The following FGD6 variants were observed in gnomAD, a reference collection of about 807,000 sequenced individuals.
FGD6 encodes FYVE, RhoGEF and PH domain-containing protein 6.
FGD6 carries 90 observed loss-of-function variants against 149.4 expected under a neutral mutation model. The observed-to-expected ratio is 0.60, with a 90% CI of 0.51 to 0.72. The LOEUF (loss-of-function observed/expected upper bound fraction) is 0.72. FGD6 is among the 30% of genes least tolerant of loss of function. The pLI, the probability that FGD6 is intolerant of heterozygous loss-of-function variation, is 0.00. For missense variants in FGD6, 1,437 were observed against 1,684.8 expected, an observed-to-expected ratio of 0.85 and a Z score of 2.57; for synonymous variants, 527 against 584.0, an observed-to-expected ratio of 0.90 and a Z score of 1.41.
intron 1 of FGD6, 109 bp downstream of exon 1, chr12:95,217,116 G>C: frequency 6.5e-7 from 1 of 1,531,396 alleles, no homozygotes; most frequent in Non-Finnish European, 8.9e-7. Flanking sequence ...CTCGGCAAAG[G>C]TACGGGGCAC....
At chr12:95,120,356 G>A (rs1218951338) in intron 8 of FGD6, among the ~76,000 whole-genome samples, 1 of 146,846 alleles carries the variant, frequency 6.8e-6, no homozygotes, top group Non-Finnish European at 1.5e-5. Context: ...TATTTTTTTT[G>A]CTTCATGATT....
chr12:95,183,274 CAG>C (rs947817253), intron 2 of FGD6, among the ~76,000 whole-genome samples: 6 of 152,200 alleles, frequency 3.9e-5, no homozygotes, highest in East Asian at 1.9e-4. Flanking sequence ...TGCCAGTCAG[CAG>C]AGAGTCATTT....
rs977464613 is a variant in FGD6, at chr12:95,078,573, T to C, written c.*2947A>G. 1.3e-5 allele frequency: 2 copies of C among 152,180 alleles called. No homozygotes were observed. Among genetic ancestry groups the C allele is most frequent in the African/African-American group, 4.8e-5 (2 of 41,450 alleles). 9.4% of individuals were successfully genotyped at this position (152,180 alleles called of 1,614,324 possible). A position where few individuals can be genotyped will look rare whatever the true frequency, so the allele number is the denominator to read the frequency against. ...GGTCTGATGATCTCATTTTAAGAAATGCTACTACACACTCAAAGAATCAAG... is the reference window on the plus strand; with the variant it reads ...GGTCTGATGATCTCATTTTAAGAAACGCTACTACACACTCAAAGAATCAAG... On this transcript the variant is annotated 3_prime_UTR_variant, in exon 21 of 21. Transcript: ENST00000343958.
chr12:95,126,990 T>C (rs1056760566), intron 8 of FGD6, among the ~76,000 whole-genome samples: 5 of 152,084 alleles, frequency 3.3e-5, no homozygotes, highest in African/African-American at 9.7e-5. Context: ...AATTACAACA[T>C]GAATTCTGAA....
chr12:95,206,059 G>A (rs2056691455), intron 2 of FGD6, among the ~76,000 whole-genome samples: 4 of 151,986 alleles, frequency 2.6e-5, no homozygotes, highest in Admixed American at 2.6e-4. Flanking sequence ...CGAGTAGCAG[G>A]CCCTAACAAA....
intron 5 of FGD6, among the ~76,000 whole-genome samples, chr12:95,143,547 TATAAA>T (rs1433697046): frequency 1.1e-4 from 16 of 152,156 alleles, no homozygotes; most frequent in Admixed American, 1.0e-3. Context: ...ATTAGTATCA[TATAAA>T]ATAAGAGCAT....
intron 2 of FGD6, among the ~76,000 whole-genome samples, chr12:95,174,408 A>G (rs1256519116): frequency 6.6e-6 from 1 of 152,124 alleles, no homozygotes; most frequent in African/African-American, 2.4e-5. Context: ...ACACATGTTC[A>G]ATTTCCAATC....
rs1445116000 is a variant in FGD6, at chr12:95,080,947, T to C, written c.*573A>G. ...GAGGTACCTAACAACAGAAATACTTTAGATAATTTACTGAAATTTCAGTTC... is the reference window on the plus strand; with the variant it reads ...GAGGTACCTAACAACAGAAATACTTCAGATAATTTACTGAAATTTCAGTTC... On this transcript the variant is annotated 3_prime_UTR_variant, in exon 21 of 21. Transcript: ENST00000343958. The C allele has an allele frequency of 6.6e-6, 1 of 152,212 alleles. No homozygotes were observed. Among genetic ancestry groups the C allele is most frequent in the African/African-American group, 2.4e-5 (1 of 41,454 alleles). The allele number at this position is 152,212 out of a possible 1,614,324, so 9.4% of individuals were successfully genotyped here. A position where few individuals can be genotyped will look rare whatever the true frequency, so the allele number is the denominator to read the frequency against.
chr12:95,122,568 T>G (rs977677486), intron 8 of FGD6, among the ~76,000 whole-genome samples: 4 of 132,354 alleles, frequency 3.0e-5, no homozygotes, highest in African/African-American at 1.1e-4. Flanking sequence ...ACTGCTTGAA[T>G]CCAGGAGGCA....
chr12:95,166,656 T>C (rs1880826620), intron 3 of FGD6, among the ~76,000 whole-genome samples: 1 of 151,894 alleles, frequency 6.6e-6, no homozygotes, highest in African/African-American at 2.4e-5. Context: ...TGAGCCATGA[T>C]CTCACTACTG....
At chr12:95,156,830 G>T (rs964232362) in intron 3 of FGD6, among the ~76,000 whole-genome samples, 3 of 152,036 alleles carry the variant, frequency 2.0e-5, no homozygotes, top group African/African-American at 4.8e-5. Context: ...AACATTTAGG[G>T]AAAATGAAAA....
At chr12:95,087,910 T>A (rs1203707597) in intron 18 of FGD6, among the ~76,000 whole-genome samples, 1 of 152,130 alleles carries the variant, frequency 6.6e-6, no homozygotes, top group South Asian at 2.1e-4. Flanking sequence ...AAAACTAGAA[T>A]TGTTTCCTAT....
rs186906592 is a variant in FGD6 at position 95,094,533 on chromosome 12, T to C, written c.3600+59A>G. On this transcript the variant is annotated intron_variant, in intron 15 of 20. Transcript: ENST00000343958. The stretch of plus-strand genomic sequence containing the variant: ...GTTGCTTTCTTAAACCCCTGTGAAA[T>C]GTTTAAGGTAAAAACTTTGAAATGC... 281 of 1,154,316 alleles carry C rather than the reference T, an allele frequency of 2.4e-4. 2 individuals are homozygous for C. The Middle Eastern group carries it at 2.8e-3, about 11-fold the overall frequency. 71.5% of individuals were successfully genotyped at this position (1,154,316 alleles called of 1,614,324 possible).
chr12:95,160,199 A>G (rs1430483424), intron 3 of FGD6, among the ~76,000 whole-genome samples: 1 of 152,114 alleles, frequency 6.6e-6, no homozygotes, highest in Non-Finnish European at 1.5e-5. Context: ...TTAATTAAAA[A>G]AAGAGATAAA....
chr12:95,175,821 A>G lies in FGD6; in HGVS notation c.2442-3077T>C, dbSNP rs1179113197. On this transcript the variant is annotated intron_variant, in intron 2 of 20. Coordinates refer to ENST00000343958, the MANE Select transcript of FGD6 (RefSeq NM_018351.4). The stretch of plus-strand genomic sequence containing the variant: ...TCTCAAAAAAAAAAAAAAAAAAAAG[A>G]AAAAAAAAAAGAAAAATCACCAGGA... 2.4e-3 allele frequency among the ~76,000 whole-genome samples: 292 copies of G among 122,846 alleles called. 2 individuals carry two copies. Among genetic ancestry groups the G allele is most frequent in the Non-Finnish European group, 4.6e-3 (242 of 52,582 alleles). 80.6% of individuals were successfully genotyped at this position (122,846 alleles called of 152,430 possible).
chr12:95,190,519 G>C (rs1881557499), intron 2 of FGD6, among the ~76,000 whole-genome samples: 1 of 152,040 alleles, frequency 6.6e-6, no homozygotes, highest in African/African-American at 2.4e-5. Flanking sequence ...ATAGCTCTTA[G>C]GTAATACTCT....
chr12:95,214,294 C>T (rs530494114), intron 1 of FGD6, among the ~76,000 whole-genome samples: 191 of 152,256 alleles, frequency 1.3e-3, no homozygotes, highest in Admixed American at 3.4e-3. Context: ...AAATGTACAT[C>T]CATTTTAATG....
intron 2 of FGD6, among the ~76,000 whole-genome samples, chr12:95,192,804 C>A (rs141532527): frequency 5.9e-4 from 90 of 152,242 alleles, no homozygotes; most frequent in African/African-American, 2.0e-3. Context: ...ATGAAAAATT[C>A]TCTGTCTGGG....
At chr12:95,136,143 A>C (rs982539451) in intron 7 of FGD6, among the ~76,000 whole-genome samples, 4 of 152,148 alleles carry the variant, frequency 2.6e-5, no homozygotes, top group Non-Finnish European at 5.9e-5. Context: ...GTGGATCATG[A>C]GATCAGGAGT....
Sources: allele counts gnomAD v4.1 joint callset (sites outside exome capture counted in the v4.1 genomes callset), GRCh38; gene constraint gnomAD v4.1.1; transcripts MANE v1.5; gene names NCBI Gene and HGNC (gene_info 2026-07-23, HGNC 2026-07-21).